The following PKHD1L1 variants were observed in gnomAD, a reference collection of about 807,000 sequenced individuals.
PKHD1L1 encodes PKHD1 like 1.
PKHD1L1 carries 434 observed loss-of-function variants against 462.9 expected under a neutral mutation model. The observed-to-expected ratio is 0.94, with a 90% confidence interval of 0.87 to 1.02. The LOEUF is 1.02. Ranked by LOEUF, PKHD1L1 falls within the 50% of genes least tolerant of loss-of-function variation. PKHD1L1 has a pLI of 0.00. For missense variants in PKHD1L1, 5,202 were observed against 5,096.1 expected (o/e 1.02, Z -0.63); for synonymous variants, 1,781 against 1,750.0 (o/e 1.02, Z -0.44).
intron 75 of PKHD1L1, 51 bp downstream of exon 75, chr8:109,522,941 T>G: frequency 6.6e-7 from 1 of 1,503,866 alleles, no homozygotes; most frequent in Non-Finnish European, 8.9e-7. Flanking sequence ...AGCTACAAAT[T>G]CTGAAGGATG....
chr8:109,507,053 T>C (rs1240549160), intron 68 of PKHD1L1, among the ~76,000 whole-genome samples: 1 of 152,160 alleles, frequency 6.6e-6, no homozygotes, highest in Non-Finnish European at 1.5e-5. Flanking sequence ...CTAAAATATG[T>C]AGCATAATAA....
chr8:109,492,649 C>A (rs971502007), intron 62 of PKHD1L1, among the ~76,000 whole-genome samples: 3 of 151,794 alleles, frequency 2.0e-5, no homozygotes, highest in Admixed American at 6.6e-5. Context: ...TAAAAATATT[C>A]TCTTTTTATC....
rs1471510309 is a variant in PKHD1L1 at position 109,400,313 on chromosome 8, A to C, written c.1250A>C (p.Tyr417Ser). The C allele has an allele frequency of 1.9e-6, 3 of 1,613,266 alleles. No homozygotes were observed. The highest frequency in any genetic ancestry group is 2.5e-6 in the Non-Finnish European group (3 of 1,179,424). Residue 417 changes from tyrosine to serine, a missense_variant, in exon 13 of 78, where the codon TAT (tyrosine) becomes TCT (serine). Coordinates refer to ENST00000378402, the MANE Select transcript of PKHD1L1 (RefSeq NM_177531.6). ...YIKGDDRYAI[Y>S]FSQTGLPEDK... is the part of the protein sequence containing the mutation. ...AAGGGTGATGACCGTTATGCTATTT[A>C]TTTTAGCCAGACTGGACTTCCAGAA...
Position 109,465,162 on chromosome 8 carries a change from TCCAGTATTC to T in PKHD1L1, c.8331_8339del (p.Gln2778_Ser2780del). The T allele has an allele frequency of 6.2e-7, 1 of 1,613,738 alleles. No individual in the cohort carries two copies. Among genetic ancestry groups the T allele is most frequent in the Non-Finnish European group, 8.5e-7 (1 of 1,179,774 alleles). On this transcript the variant is annotated inframe_deletion, in exon 49 of 78. Coordinates refer to ENST00000378402, the MANE Select transcript of PKHD1L1 (RefSeq NM_177531.6). ...GGTTGGAGTGCAAAGTTTGTTGACGTCCAGTATTCTCACACACCGAACAAGGCTGGCTTT... is the reference window on the plus strand; with the variant it reads ...GGTTGGAGTGCAAAGTTTGTTGACGTTCACACACCGAACAAGGCTGGCTTT...
At chr8:109,522,475 T>A (rs762853759) in intron 74 of PKHD1L1, 138 bp downstream of exon 74, 11 of 1,084,118 alleles carry the variant, frequency 1.0e-5, no homozygotes, top group Non-Finnish European at 1.3e-5. Flanking sequence ...TGACTTTTTA[T>A]AGGCTCGCTA....
chr8:109,529,712 T>G (rs1586675266), intron 77 of PKHD1L1, among the ~76,000 whole-genome samples: 1 of 152,130 alleles, frequency 6.6e-6, no homozygotes, highest in Non-Finnish European at 1.5e-5. Flanking sequence ...ATTTTTCAAT[T>G]AGAATATAAG....
At chr8:109,406,767 G>A (rs889354380) in intron 17 of PKHD1L1, among the ~76,000 whole-genome samples, 2 of 151,696 alleles carry the variant, frequency 1.3e-5, no homozygotes, top group African/African-American at 2.4e-5. Context: ...TAAAATTTAG[G>A]CAAATCACTA....
At chr8:109,409,827 A>T in intron 18 of PKHD1L1, 38 bp from the exon 19 acceptor site, 1 of 1,238,788 alleles carries the variant, frequency 8.1e-7, no homozygotes, top group Non-Finnish European at 1.1e-6. Context: ...CTAACTTTTC[A>T]TGAAAAGAAG....
In PKHD1L1 at chr8:109,444,924, C is replaced by T. The variant is rs368325304; in HGVS notation, c.5055C>T (p.Ala1685=). 31 of 1,613,928 alleles carry T rather than the reference C, an allele frequency of 1.9e-5. 1 individual carries two copies. The highest frequency in any genetic ancestry group is 1.1e-4 in the East Asian group (5 of 44,876). The change falls in exon 38 of 78, where the codon GCC becomes GCT. Residue 1685 remains alanine, a synonymous_variant. Coordinates refer to ENST00000378402, the MANE Select transcript of PKHD1L1 (RefSeq NM_177531.6). ...TGACCATAAAAGGCTCTGGATTTGC[C>T]GTTTCTTCTGCAGGTGTAAAAGTCC... ...TSVTIKGSGF[A]VSSAGVKVLM... is the part of the protein sequence containing the mutation.
intron 21 of PKHD1L1, 82 bp downstream of exon 21, chr8:109,413,627 T>G (rs1375246415): frequency 8.1e-7 from 1 of 1,227,662 alleles, no homozygotes; most frequent in Non-Finnish European, 1.0e-6. Flanking sequence ...TTTCTTGGGG[T>G]TTTTTGTTTT....
intron 61 of PKHD1L1, among the ~76,000 whole-genome samples, chr8:109,491,485 TATC>T (rs1431289317): frequency 1.3e-5 from 2 of 151,886 alleles, no homozygotes; most frequent in Non-Finnish European, 2.9e-5. Flanking sequence ...ACTCCTCACT[TATC>T]AATCACAAAT....
At position 109,378,770 on chromosome 8, in the gene PKHD1L1, T is replaced by C. The variant is rs79754675; in HGVS notation, c.164-2600T>C. Reference sequence around the variant, plus strand: ...TGTAGTAAGAATGTACATGGGCTTCTGGGCAGTCGAAGAGGACTTCACTAG... The same window carrying C: ...TGTAGTAAGAATGTACATGGGCTTCCGGGCAGTCGAAGAGGACTTCACTAG... On this transcript the variant is annotated intron_variant, in intron 2 of 77. Transcript: ENST00000378402. 5.1e-3 allele frequency among the ~76,000 whole-genome samples: 779 copies of C among 152,320 alleles called. 9 individuals carry two copies. Among genetic ancestry groups the C allele is most frequent in the African/African-American group, 0.018 (749 of 41,576 alleles).
intron 35 of PKHD1L1, 43 bp downstream of exon 35, chr8:109,442,238 C>A: frequency 6.6e-7 from 1 of 1,517,732 alleles, no homozygotes; most frequent in Non-Finnish European, 8.9e-7. Flanking sequence ...TCACTTTTTC[C>A]TAAATGTAAT....
chr8:109,450,740 AAG>A (rs1816439398), intron 40 of PKHD1L1, among the ~76,000 whole-genome samples: 1 of 152,222 alleles, frequency 6.6e-6, no homozygotes, highest in Non-Finnish European at 1.5e-5. Flanking sequence ...GTTCTACAGG[AAG>A]AGTCTCCCCA....
intron 35 of PKHD1L1, among the ~76,000 whole-genome samples, chr8:109,442,628 C>A (rs186743225): frequency 1.3e-4 from 20 of 152,086 alleles, no homozygotes; most frequent in East Asian, 9.7e-4. Context: ...AGATTTTGAA[C>A]CTTTCACTCA....
chr8:109,516,537 G>A (rs193067710), intron 72 of PKHD1L1, among the ~76,000 whole-genome samples: 1 of 152,090 alleles, frequency 6.6e-6, no homozygotes, highest in Non-Finnish European at 1.5e-5. Context: ...GAAGATTAGG[G>A]CTTCAACATG....
At chr8:109,524,084 C>G (rs966695779) in intron 76 of PKHD1L1, among the ~76,000 whole-genome samples, 5 of 152,038 alleles carry the variant, frequency 3.3e-5, no homozygotes, top group South Asian at 2.1e-4. Context: ...GATGATATAT[C>G]CCTGAACAGA....
At chr8:109,429,905 T>C (rs1355496455) in intron 26 of PKHD1L1, 27 bp from the exon 27 acceptor site, 1 of 1,490,846 alleles carries the variant, frequency 6.7e-7, no homozygotes. Flanking sequence ...GCCCATGTTC[T>C]GTAGCTTCTT....
chr8:109,462,667 G>C (rs781341894), intron 48 of PKHD1L1, among the ~76,000 whole-genome samples: 1 of 152,026 alleles, frequency 6.6e-6, no homozygotes, highest in Non-Finnish European at 1.5e-5. Context: ...TCAGCCTCCT[G>C]AGTAGCTGGG....
Sources: gnomAD v4.1 joint callset for allele counts (sites outside exome capture counted in the v4.1 genomes callset) on GRCh38, gnomAD v4.1.1 for gene constraint, MANE v1.5 for transcripts, NCBI Gene and HGNC (gene_info 2026-07-23, HGNC 2026-07-21) for gene names.